The following MRAP2 variants were observed in gnomAD, a reference collection of about 807,000 sequenced individuals.
MRAP2 encodes melanocortin 2 receptor accessory protein 2.
MRAP2 carries 20 observed loss-of-function variants against 17.4 expected under a neutral mutation model. The observed-to-expected ratio is 1.15, with a 90% CI of 0.81 to 1.67. The LOEUF (loss-of-function observed/expected upper bound fraction) is 1.67, where lower values mean the gene tolerates loss of function less well. Among genes scored for constraint, MRAP2 ranks in the 40% most tolerant of loss-of-function variants. The pLI is 0.00. For missense variants in MRAP2, 238 were observed against 240.0 expected, an observed-to-expected ratio of 0.99 and a Z score of 0.05; for synonymous variants, 96 against 88.4, an observed-to-expected ratio of 1.09 and a Z score of -0.48.
chr6:84,076,183 C>T (rs541530301), intron 3 of MRAP2, among the ~76,000 whole-genome samples: 1 of 151,866 alleles, frequency 6.6e-6, no homozygotes, highest in South Asian at 2.1e-4. Context: ...CCACTTCAGC[C>T]TCCTGAGTAA....
the MRAP2 span, among the ~76,000 whole-genome samples, chr6:84,143,673 G>A: frequency 6.6e-6 from 1 of 152,078 alleles, no homozygotes. Flanking sequence ...GTGTGTCTAA[G>A]CTGTCTAAAA....
At chr6:84,062,724 CCCT>C (rs1161783526) in intron 2 of MRAP2, 166 bp from the exon 3 acceptor site, 1 of 985,228 alleles carries the variant, frequency 1.0e-6, no homozygotes, top group East Asian at 1.1e-4. Context: ...GCAGACTCTT[CCCT>C]CCTCCTCATC....
chr6:84,063,520 C>T (rs1460907863), intron 3 of MRAP2: 1 of 727,178 alleles, frequency 1.4e-6, no homozygotes, highest in Non-Finnish European at 1.7e-6. Context: ...TTACATAATT[C>T]TCATAACATG....
chr6:84,082,893 G>A (rs1374993666), intron 3 of MRAP2, among the ~76,000 whole-genome samples: 2 of 151,508 alleles, frequency 1.3e-5, no homozygotes, highest in Non-Finnish European at 2.9e-5. Flanking sequence ...ATCAGTACGA[G>A]CTCACATTCC....
At chr6:84,084,894 T>TTTTATTTTATTTTATTTTATTTA (rs2099499920) in intron 3 of MRAP2, among the ~76,000 whole-genome samples, 1 of 134,336 alleles carries the variant, frequency 7.4e-6, no homozygotes, top group Non-Finnish European at 1.5e-5. Context: ...TTTTATTTTA[T>TTTTATTTTATTTTATTTTATTTA]TTTATTTTAT....
the MRAP2 span, among the ~76,000 whole-genome samples, chr6:84,131,457 T>C: frequency 0.24 from 36,950 of 152,042 alleles, 9,900 homozygotes; most frequent in African/African-American, 0.67. Context: ...GTTAAAGTCT[T>C]CCATTATTAT....
Position 84,042,595 on chromosome 6 carries a change from G to A in MRAP2, c.-8+8712G>A, listed in dbSNP as rs961483191. Among the ~76,000 whole-genome samples the A allele has an allele frequency of 5.5e-4, 84 of 152,198 alleles. 1 individual carries two copies. The highest frequency in any genetic ancestry group is 7.3e-5 in the Non-Finnish European group (5 of 68,042). ...GGACCCTTAGACCTTGGCAAGCTGA[G>A]GGACACTATATTCTTGCCCTCACTT... On this transcript the variant is annotated intron_variant, in intron 1 of 3. Transcript: ENST00000257776.
At chr6:84,034,753 T>C (rs191717559) in intron 1 of MRAP2, among the ~76,000 whole-genome samples, 14 of 152,208 alleles carry the variant, frequency 9.2e-5, no homozygotes, top group Middle Eastern at 3.4e-3. Context: ...CTCTTATGCA[T>C]AAATTAATTC....
intron 1 of MRAP2, among the ~76,000 whole-genome samples, chr6:84,042,126 T>G (rs2099487747): frequency 6.6e-6 from 1 of 152,184 alleles, no homozygotes; most frequent in Non-Finnish European, 1.5e-5. Context: ...GAGTGAGTTC[T>G]CATGAGAGCT....
intron 3 of MRAP2, among the ~76,000 whole-genome samples, chr6:84,077,198 A>G (rs2099497854): frequency 6.6e-6 from 1 of 152,224 alleles, no homozygotes. Context: ...AGGTTAGTAA[A>G]ATATGGCAAG....
At chr6:84,106,322 G>T in the MRAP2 span, among the ~76,000 whole-genome samples, 5 of 152,178 alleles carry the variant, frequency 3.3e-5, no homozygotes, top group African/African-American at 4.8e-5. Flanking sequence ...AGCATTACAT[G>T]CAGGAAAGGC....
chr6:84,086,562 C>T (rs961626166), intron 3 of MRAP2, among the ~76,000 whole-genome samples: 7 of 152,142 alleles, frequency 4.6e-5, no homozygotes, highest in African/African-American at 1.7e-4. Context: ...AAATAAAAGT[C>T]AAGTATATTG....
chr6:84,122,647 G>A, the MRAP2 span, among the ~76,000 whole-genome samples: 595 of 152,180 alleles, frequency 3.9e-3, 2 homozygotes, highest in Non-Finnish European at 5.7e-3. Flanking sequence ...AAAGTTGAAA[G>A]CATTTCCCTA....
the MRAP2 span, among the ~76,000 whole-genome samples, chr6:84,114,735 TG>T: frequency 6.6e-6 from 1 of 152,218 alleles, no homozygotes; most frequent in African/African-American, 2.4e-5. Context: ...TCTTTGATGT[TG>T]GTGACCTTCG....
chr6:84,071,441 G>T (rs2129170683), intron 3 of MRAP2, among the ~76,000 whole-genome samples: 1 of 152,310 alleles, frequency 6.6e-6, no homozygotes, highest in East Asian at 1.9e-4. Context: ...TTTCTGCTGA[G>T]AAATCTGTTG....
chr6:84,058,773 T>A (rs147649166), intron 2 of MRAP2, among the ~76,000 whole-genome samples: 4 of 152,286 alleles, frequency 2.6e-5, no homozygotes, highest in Non-Finnish European at 4.4e-5. Context: ...ATTGTGGTTT[T>A]TTGGACGCCA....
the MRAP2 span, chr6:84,125,215 T>C: frequency 3.7e-5 from 60 of 1,613,556 alleles, no homozygotes; most frequent in Non-Finnish European, 4.9e-5. Flanking sequence ...TGCCAGTCTT[T>C]TCCATTTTTC....
At chr6:84,112,450 T>A in the MRAP2 span, among the ~76,000 whole-genome samples, 2 of 152,302 alleles carry the variant, frequency 1.3e-5, no homozygotes, top group South Asian at 4.1e-4. Context: ...AGTGGTGATA[T>A]CCCCTTTATC....
the MRAP2 span, chr6:84,124,902 G>A: frequency 1.6e-6 from 1 of 633,608 alleles, no homozygotes; most frequent in East Asian, 2.8e-5. Flanking sequence ...ACCATTATAT[G>A]TTTTTTTTCT....
Sources: gnomAD v4.1 joint callset for allele counts (sites outside exome capture counted in the v4.1 genomes callset) on GRCh38, gnomAD v4.1.1 for gene constraint, MANE v1.5 for transcripts, NCBI Gene and HGNC (gene_info 2026-07-23, HGNC 2026-07-21) for gene names.